ZNF616: variants seen among roughly 807,000 people sequenced by gnomAD.
ZNF616 encodes the protein zinc finger protein 616.
ZNF616 carries 5 observed loss-of-function variants against 7.6 expected under a neutral mutation model. The ratio of observed to expected loss-of-function variants is 0.66; its 90% CI spans 0.34 to 1.38. The LOEUF (loss-of-function observed/expected upper bound fraction) is 1.38, where lower values mean the gene tolerates loss of function less well. Among genes scored for constraint, ZNF616 ranks in the 40% most tolerant of loss-of-function variants. The pLI is 0.04. For synonymous variants in ZNF616, 319 were observed against 317.2 expected, an observed-to-expected ratio of 1.01 and a Z score of -0.06; for missense variants, 913 against 948.3, an observed-to-expected ratio of 0.96 and a Z score of 0.49.
intron 3 of ZNF616, among the ~76,000 whole-genome samples, chr19:52,121,355 G>A (rs1290375330): frequency 6.6e-6 from 1 of 152,006 alleles, no homozygotes. Flanking sequence ...AATAAAACTA[G>A]AGATCAACAG....
rs115307252 is a variant in ZNF616 at position 52,116,732 on chromosome 19, A to G, written c.432T>C (p.Phe144=). ...NHIENQLTSN[F]ESRLAELQKV... ...TCTGCAGTTCAGCCAGACGTGACTC[A>G]AAGTTTGATGTAAGCTGGTTTTCAA... is the stretch of plus-strand genomic sequence containing the variant. The change falls in exon 4 of 4, where the codon TTT becomes TTC. Residue 144 remains phenylalanine, a synonymous_variant. Coordinates refer to ENST00000600228, the MANE Select transcript of ZNF616 (RefSeq NM_178523.5). 1.3e-5 allele frequency: 21 copies of G among 1,614,174 alleles called. No individual in the cohort carries two copies. The East Asian group carries it at 4.5e-4, about 34-fold the overall frequency.
intron 1 of ZNF616, among the ~76,000 whole-genome samples, chr19:52,135,138 C>T (rs546583749): frequency 5.9e-5 from 9 of 152,158 alleles, no homozygotes; most frequent in African/African-American, 9.7e-5. Flanking sequence ...GAGGCCCTAA[C>T]GTTCCCCTCC....
rs756675908 is a variant in ZNF616, at chr19:52,130,492, T to A, written c.12+9A>T. 6.2e-7 allele frequency: 1 copy of A among 1,606,948 alleles called. No homozygotes were observed. Among genetic ancestry groups the A allele is most frequent in the South Asian group, 1.1e-5 (1 of 90,934 alleles). Reference sequence around the variant, plus strand: ...AATATCACTTCACTTGAGTAAAGTATCACTCTACCTGAGTAGCCATCACTG... The same window carrying A: ...AATATCACTTCACTTGAGTAAAGTAACACTCTACCTGAGTAGCCATCACTG... On this transcript the variant is annotated intron_variant, in intron 2 of 3. Coordinates refer to ENST00000600228, the MANE Select transcript of ZNF616 (RefSeq NM_178523.5).
chr19:52,122,414 G>A (rs1034209872), intron 3 of ZNF616: 2 of 152,126 alleles, frequency 1.3e-5, no homozygotes, highest in Non-Finnish European at 2.9e-5. Context: ...GAACCTGGGA[G>A]ACGGAGGTTG....
chr19:52,130,362 T>C, intron 2 of ZNF616, 139 bp downstream of exon 2: 1 of 884,700 alleles, frequency 1.1e-6, no homozygotes. Flanking sequence ...AAAGCATGGA[T>C]GAGCATGAGC....
intron 2 of ZNF616, among the ~76,000 whole-genome samples, chr19:52,124,930 A>T (rs2088893131): frequency 6.6e-6 from 1 of 152,170 alleles, no homozygotes; most frequent in Admixed American, 6.5e-5. Context: ...GCCAAAAAGC[A>T]GTGAACTCCG....
rs1352184515 is a variant in ZNF616, at chr19:52,115,981, T to C, written c.1183A>G (p.Ser395Gly). The change falls in exon 4 of 4, where the codon AGT (serine) becomes GGT (glycine). Residue 395 changes from serine (S) to glycine (G), a missense_variant. Coordinates refer to ENST00000600228, the MANE Select transcript of ZNF616 (RefSeq NM_178523.5). ...ECGKVFSKRS[S>G]LAVHRRIHTV... ...TGAATTCGTCGATGCACTGCAAGAC[T>C]TGAACGTTTACTGAAGACCTTGCCA... The C allele has an allele frequency of 1.9e-6, 3 of 1,613,414 alleles. No homozygotes were observed. The highest frequency in any genetic ancestry group is 1.1e-5 in the South Asian group (1 of 91,050).
At chr19:52,134,554 T>A (rs138007478) in intron 1 of ZNF616, among the ~76,000 whole-genome samples, 218 of 152,276 alleles carry the variant, frequency 1.4e-3, no homozygotes, top group African/African-American at 5.1e-3. Context: ...CTGAGCCCTT[T>A]ACCTGTGGGC....
In ZNF616 at chr19:52,116,296, T is replaced by A; in HGVS notation, c.868A>T (p.Ile290Phe). 6.2e-7 allele frequency: 1 copy of A among 1,614,176 alleles called. No homozygotes were observed. The highest frequency in any genetic ancestry group is 8.5e-7 in the Non-Finnish European group (1 of 1,180,020). The stretch of plus-strand genomic sequence containing the variant: ...TTGTAAGGTTTTTCACCGGTATGAA[T>A]TCTCTGATGAACTGCAAGGTGGGAA... ...KSSHLAVHQR[I>F]HTGEKPYKCN... Residue 290 changes from isoleucine to phenylalanine, a missense_variant, in exon 4 of 4, where the codon ATT (isoleucine) becomes TTT (phenylalanine). Transcript: ENST00000600228.
At position 52,139,411 on chromosome 19, in the gene ZNF616, G is replaced by A. The variant is rs1373500661; in HGVS notation, c.-77+321C>T. 6.6e-6 allele frequency among the ~76,000 whole-genome samples: 1 copy of A among 152,108 alleles called. No homozygotes were observed. ...GCGCGGAGGACACTAGGTGGCGCGGGGGACGGTGTCTCAGGACAGGGAGGG... is the reference window on the plus strand; with the variant it reads ...GCGCGGAGGACACTAGGTGGCGCGGAGGACGGTGTCTCAGGACAGGGAGGG... On this transcript the variant is annotated intron_variant, in intron 1 of 3. Transcript: ENST00000600228. The surrounding 1 kb of genome is among the most constrained non-coding windows in gnomAD (Gnocchi z 4.1).
chr19:52,125,020 C>T (rs185662682), intron 2 of ZNF616, among the ~76,000 whole-genome samples: 1 of 152,302 alleles, frequency 6.6e-6, no homozygotes, highest in Admixed American at 6.5e-5. Flanking sequence ...ATCCAATCAC[C>T]TACTAAAACC....
Position 52,116,966 on chromosome 19 carries a change from T to C in ZNF616, c.198A>G (p.Gly66=). ...ELPPTENSNT[G]ERFQTVALER... ...CCAGTGCCACTGTTTGGAACCTTTC[T>C]CCTGTATTACTGTTCTCTGTTGGTG... Residue 66 remains glycine (G), a synonymous_variant, in exon 4 of 4, where the codon GGA becomes GGG. Coordinates refer to ENST00000600228, the MANE Select transcript of ZNF616 (RefSeq NM_178523.5). The C allele has an allele frequency of 4.3e-6, 7 of 1,612,196 alleles. No individual in the cohort carries two copies. Among genetic ancestry groups the C allele is most frequent in the South Asian group, 1.1e-5 (1 of 90,506 alleles).
chr19:52,123,545 T>C (rs1456590523), intron 3 of ZNF616, among the ~76,000 whole-genome samples: 16 of 152,032 alleles, frequency 1.1e-4, no homozygotes, highest in Non-Finnish European at 8.8e-5. Flanking sequence ...GGGTGGAGGA[T>C]TGCTTGAGCC....
At position 52,123,724 on chromosome 19, in the gene ZNF616, C is replaced by G. The variant is rs564536002; in HGVS notation, c.139+199G>C. Among the ~76,000 whole-genome samples, 9 of 152,272 alleles carry G rather than the reference C, an allele frequency of 5.9e-5. No individual in the cohort carries two copies. In the South Asian group the frequency reaches 1.9e-3, roughly 32 times the overall value. ...CTGCGAACTTCAGCTCTGGAACCAC[C>G]ACTGATGTACAAAGAAGGCAGCAGA... On this transcript the variant is annotated intron_variant, in intron 3 of 3. Transcript: ENST00000600228.
At position 52,115,595 on chromosome 19, in the gene ZNF616, G is replaced by A. The variant is rs1360040023; in HGVS notation, c.1569C>T (p.Cys523=). ...CACTGAAGACCTTGCCACATTCTTT[G>A]CATTTGTAAGGTTTCTCTCCAGTAT... The part of the protein sequence containing the change: ...RIHTGEKPYK[C]KECGKVFSDR... The change falls in exon 4 of 4, where the codon TGC becomes TGT. Residue 523 remains cysteine (C), a synonymous_variant. Transcript: ENST00000600228. 7 of 1,613,680 alleles carry A rather than the reference G, an allele frequency of 4.3e-6. No individual in the cohort carries two copies. Among genetic ancestry groups the A allele is most frequent in the Non-Finnish European group, 5.9e-6 (7 of 1,179,946 alleles).
At chr19:52,132,038 C>T (rs896552666) in intron 1 of ZNF616, among the ~76,000 whole-genome samples, 2 of 152,098 alleles carry the variant, frequency 1.3e-5, no homozygotes, top group African/African-American at 4.8e-5. Context: ...CAGGTAGGGA[C>T]GAGGTCTTCA....
intron 1 of ZNF616, among the ~76,000 whole-genome samples, chr19:52,134,985 A>T (rs1195221285): frequency 3.9e-5 from 6 of 152,186 alleles, no homozygotes; most frequent in Non-Finnish European, 8.8e-5. Flanking sequence ...TTCCGAGGAC[A>T]GTCCCAGTTG....
intron 3 of ZNF616, among the ~76,000 whole-genome samples, chr19:52,121,040 A>G (rs985385383): frequency 2.0e-5 from 3 of 152,214 alleles, no homozygotes; most frequent in African/African-American, 7.2e-5. Flanking sequence ...AGAAATATTT[A>G]AAAGTAAAAC....
intron 3 of ZNF616, chr19:52,122,531 C>G (rs911464452): frequency 1.3e-5 from 2 of 152,014 alleles, no homozygotes; most frequent in Non-Finnish European, 2.9e-5. Context: ...TATGACCAAT[C>G]TCTTTCATGG....
Sources: gnomAD v4.1 joint callset for allele counts (sites outside exome capture counted in the v4.1 genomes callset) on GRCh38, gnomAD v4.1.1 for gene constraint, Gnocchi (gnomAD v3.1) non-coding constraint, MANE v1.5 for transcripts, NCBI Gene and HGNC (gene_info 2026-07-23, HGNC 2026-07-21) for gene names.